THAP7: variants seen among roughly 807,000 people sequenced by gnomAD.
THAP7 encodes the protein THAP domain containing 7, also known as THAP domain-containing protein 7.
In THAP7, 22 loss-of-function variants were observed where a neutral mutation model predicts 29.2. That is an observed-to-expected ratio of 0.75 (90% CI 0.54 to 1.08). THAP7 has a LOEUF of 1.08. Ranked by LOEUF, THAP7 falls within the 50% of genes least tolerant of loss-of-function variation. The probability of loss-of-function intolerance (pLI) is 0.00; values close to 1 mark genes in which losing one functional copy is unlikely to be tolerated. For synonymous variants in THAP7, 208 were observed against 173.4 expected (o/e 1.20, Z -1.57); for missense variants, 448 against 416.2 (o/e 1.08, Z -0.66).
At position 21,001,890 on chromosome 22, in the gene THAP7, C is replaced by G; in HGVS notation, c.22G>C (p.Ala8Pro). MPRHCSA[A>P]GCCTRDTRET... ...CGCGTGTCCCGTGTGCAGCAGCCGGCGGCGGAGCAGTGACGCGGCATCTGG... is the reference window on the plus strand; with the variant it reads ...CGCGTGTCCCGTGTGCAGCAGCCGGGGGCGGAGCAGTGACGCGGCATCTGG... The change falls in exon 1 of 4, where the codon GCC (alanine) becomes CCC (proline). Residue 8 changes from alanine to proline, a missense_variant. By Grantham distance (27) the Ala-to-Pro change is conservative (BLOSUM62 -1). Coordinates refer to ENST00000215742, the MANE Select transcript of THAP7 (RefSeq NM_030573.3). The G allele has an allele frequency of 6.4e-7, 1 of 1,572,668 alleles. No individual in the cohort carries two copies.
Position 20,999,826 on chromosome 22 carries a change from G to A in THAP7, c.*54C>T, listed in dbSNP as rs944506511. On this transcript the variant is annotated 3_prime_UTR_variant, in exon 4 of 4. Transcript: ENST00000215742. ...CCTGGTGGGTCTGGTGGGATCTGAG[G>A]GAGGAAGAGGCTGCAGTCTTGCTGG... The A allele has an allele frequency of 9.7e-6, 15 of 1,544,310 alleles. No individual in the cohort carries two copies. The African/African-American group carries it at 1.2e-4, about 13-fold the overall frequency.
Position 21,001,383 on chromosome 22 carries a change from C to G in THAP7, c.109G>C (p.Gly37Arg). 1.2e-6 allele frequency: 2 copies of G among 1,613,924 alleles called. No homozygotes were observed. Among genetic ancestry groups the G allele is most frequent in the Non-Finnish European group, 1.7e-6 (2 of 1,180,000 alleles). The change falls in exon 2 of 4, where the codon GGC (glycine) becomes CGC (arginine). Residue 37 changes from glycine to arginine, a missense_variant. Transcript: ENST00000215742. ...CGCTGGCAGTTGGCCAGCCACAAGCCTCGCCTCGGGTTGTCCTTCTTGGGA... is the reference window on the plus strand; with the variant it reads ...CGCTGGCAGTTGGCCAGCCACAAGCGTCGCCTCGGGTTGTCCTTCTTGGGA... ...RLPKKDNPRRGLWLANCQRLD... is the reference protein window; with the variant it reads ...RLPKKDNPRRRLWLANCQRLD...
intron 2 of THAP7, chr22:21,000,996 G>T (rs912295443): frequency 2.2e-5 from 19 of 881,174 alleles, no homozygotes; most frequent in Admixed American, 8.7e-5. Flanking sequence ...GAGCTGGGCT[G>T]ACCAGCCAGA....
In THAP7 at chr22:20,999,758, C is replaced by A; in HGVS notation, c.*122G>T. On this transcript the variant is annotated 3_prime_UTR_variant, in exon 4 of 4. Transcript: ENST00000215742. ...AGAGGGGCTCCAGCCCCCAGCTGAG[C>A]CAGACAGCAGGCCCTCCGTCTAGAA... 1 of 1,224,260 alleles carries A rather than the reference C, an allele frequency of 8.2e-7. No individual in the cohort carries two copies. The highest frequency in any genetic ancestry group is 1.1e-6 in the Non-Finnish European group (1 of 901,396). The allele number at this position is 1,224,260 out of a possible 1,614,324, so 75.8% of individuals were successfully genotyped here. A position where few individuals can be genotyped will look rare whatever the true frequency, so the allele number is the denominator to read the frequency against.
chr22:21,001,781 G>A (rs1446171062), intron 1 of THAP7, 51 bp downstream of exon 1: 6 of 1,521,376 alleles, frequency 3.9e-6, no homozygotes, highest in East Asian at 2.5e-5. Flanking sequence ...GACCCGAGGC[G>A]AGCAACAACT....
Position 20,999,670 on chromosome 22 carries a change from A to C in THAP7, c.*210T>G. The C allele has an allele frequency of 1.7e-6, 1 of 604,954 alleles. No homozygotes were observed. The highest frequency in any genetic ancestry group is 2.9e-6 in the Non-Finnish European group (1 of 350,172). The allele number at this position is 604,954 out of a possible 1,614,324, so 37.5% of individuals were successfully genotyped here. On this transcript the variant is annotated 3_prime_UTR_variant, in exon 4 of 4. Transcript: ENST00000215742. ...GCCAGGCTCCCTGTTCTCCTTGGCA[A>C]AGAGCTTGGACTGAGCCCTCTAGGA...
rs1310410613 is a variant in THAP7, at chr22:21,000,717, T to A, written c.307A>T (p.Thr103Ser). The A allele has an allele frequency of 6.2e-7, 1 of 1,614,026 alleles. No individual in the cohort carries two copies. The highest frequency in any genetic ancestry group is 8.5e-7 in the Non-Finnish European group (1 of 1,180,026). Residue 103 changes from threonine (T) to serine (S), a missense_variant, in exon 3 of 4, where the codon ACC (threonine) becomes TCC (serine). Thr to Ser is a moderately conservative substitution (Grantham distance 58). Coordinates refer to ENST00000215742, the MANE Select transcript of THAP7 (RefSeq NM_030573.3). ...FESFSKLRRTTKTKGHSYPPG... is the reference protein window; with the variant it reads ...FESFSKLRRTSKTKGHSYPPG... ...GGGTAACTGTGTCCTTTGGTCTTGG[T>A]TGTCCGGCGCAACTTGGAGAAAGAC... is the stretch of plus-strand genomic sequence containing the variant.
intron 2 of THAP7, 188 bp downstream of exon 2, chr22:21,001,068 A>G: frequency 1.1e-6 from 1 of 922,658 alleles, no homozygotes; most frequent in Non-Finnish European, 1.6e-6. Context: ...ACTCTCTGGA[A>G]AGGCTCCTGT....
rs781665327 is a variant in THAP7 at position 21,000,160 on chromosome 22, C to T, written c.650G>A (p.Arg217His). ...GTAGGCTCCGGCGGGTGGGGGCAGG[C>T]GCAGCATATACGCTGAGGGGGAGAC... ...RPVSPSAYML[R>H]LPPPAGAYIQ... is the part of the protein sequence containing the mutation. Residue 217 changes from arginine (R) to histidine (H), a missense_variant, in exon 4 of 4, where the codon CGC becomes CAC. By Grantham distance (29) the Arg-to-His change is conservative (BLOSUM62 0). Coordinates refer to ENST00000215742, the MANE Select transcript of THAP7 (RefSeq NM_030573.3). The T allele has an allele frequency of 5.0e-6, 8 of 1,584,776 alleles. No individual in the cohort carries two copies. Among genetic ancestry groups the T allele is most frequent in the Middle Eastern group, 1.7e-4 (1 of 6,010 alleles).
chr22:21,001,915 G>A lies in THAP7; in HGVS notation c.-4C>T, dbSNP rs747573383. On this transcript the variant is annotated 5_prime_UTR_variant, in exon 1 of 4. Transcript: ENST00000215742. ...CGGCGGAGCAGTGACGCGGCATCTG[G>A]GAAAGAGGCGGGAGTTAAGTCGCAA... is the stretch of plus-strand genomic sequence containing the variant. The A allele has an allele frequency of 3.8e-6, 6 of 1,563,818 alleles. No homozygotes were observed. The Admixed American group carries it at 1.1e-4, about 29-fold the overall frequency.
chr22:21,001,825 C>G lies in THAP7; in HGVS notation c.80+7G>C. On this transcript the variant is annotated splice_region_variant and intron_variant, in intron 1 of 3. Transcript: ENST00000215742. ...CGCACGTGAGCCCGCGGCGCACGCG[C>G]GCTGACCTGTGGAAGGAGATGCCGC... 6.4e-7 allele frequency: 1 copy of G among 1,551,042 alleles called. No homozygotes were observed. The highest frequency in any genetic ancestry group is 8.7e-7 in the Non-Finnish European group (1 of 1,149,574).
At chr22:21,000,841 C>A in intron 2 of THAP7, 54 bp from the exon 3 acceptor site, 1 of 1,607,810 alleles carries the variant, frequency 6.2e-7, no homozygotes, top group Non-Finnish European at 8.5e-7. Context: ...CCTCCCCAGG[C>A]CAATCTGCCC....
chr22:21,002,017 C>T lies in THAP7; in HGVS notation c.-106G>A, dbSNP rs535715559. ...CCCAAGGGGCTCTGGCCTGTCGGGT[C>T]CCCCCCGGCCCGTTGTCGCCCCAAC... On this transcript the variant is annotated 5_prime_UTR_variant, in exon 1 of 4. Transcript: ENST00000215742. 1.5e-4 allele frequency: 161 copies of T among 1,105,796 alleles called. No individual in the cohort carries two copies. Among genetic ancestry groups the T allele is most frequent in the Non-Finnish European group, 1.8e-4 (147 of 806,830 alleles). 68.5% of individuals were successfully genotyped at this position (1,105,796 alleles called of 1,614,324 possible). A position where few individuals can be genotyped will look rare whatever the true frequency, so the allele number is the denominator to read the frequency against.
Position 21,000,098 on chromosome 22 carries a change from A to G in THAP7, c.712T>C (p.Leu238=). 1 of 1,612,492 alleles carries G rather than the reference A, an allele frequency of 6.2e-7. No homozygotes were observed. Among genetic ancestry groups the G allele is most frequent in the Non-Finnish European group, 8.5e-7 (1 of 1,179,796 alleles). Residue 238 remains leucine (L), a synonymous_variant, in exon 4 of 4, where the codon TTA becomes CTA. Coordinates refer to ENST00000215742, the MANE Select transcript of THAP7 (RefSeq NM_030573.3). The part of the protein sequence containing the change: ...NEHSYQVGSA[L]LWKRRAEAAL... ...GCCTCGGCTCGCCGCTTCCAGAGTAAGGCGCTGCCCACCTGGTAGCTGTGT... is the reference window on the plus strand; with the variant it reads ...GCCTCGGCTCGCCGCTTCCAGAGTAGGGCGCTGCCCACCTGGTAGCTGTGT...
Position 21,000,638 on chromosome 22 carries a change from A to G in THAP7, c.377+9T>C. The G allele has an allele frequency of 6.2e-7, 1 of 1,613,966 alleles. No homozygotes were observed. Among genetic ancestry groups the G allele is most frequent in the Non-Finnish European group, 8.5e-7 (1 of 1,179,984 alleles). On this transcript the variant is annotated intron_variant, in intron 3 of 3. Transcript: ENST00000215742. ...TGGGAGTGGGGCATCCCCCACCCATATCACATACCGCTTCCTGCATCGTCT... is the reference window on the plus strand; with the variant it reads ...TGGGAGTGGGGCATCCCCCACCCATGTCACATACCGCTTCCTGCATCGTCT...
rs1221439639 is a variant in THAP7, at chr22:21,000,245, C to T, written c.565G>A (p.Ala189Thr). 1 of 1,557,030 alleles carries T rather than the reference C, an allele frequency of 6.4e-7. No homozygotes were observed. Among genetic ancestry groups the T allele is most frequent in the Non-Finnish European group, 8.7e-7 (1 of 1,149,968 alleles). ...GGTGAAGGCTGGGCGCTGCAGCCTG[C>T]TTCATCTGCCTGGGCACCCAAGGGG... Reference protein sequence around the residue: ...LGPLGAQADEAGCSAQPSPER... With the variant: ...LGPLGAQADETGCSAQPSPER... Residue 189 changes from alanine (A) to threonine (T), a missense_variant, in exon 4 of 4, where the codon GCA (alanine) becomes ACA (threonine). Coordinates refer to ENST00000215742, the MANE Select transcript of THAP7 (RefSeq NM_030573.3).
chr22:21,000,852 C>T (rs1043171335), intron 2 of THAP7, 65 bp from the exon 3 acceptor site: 4 of 1,602,746 alleles, frequency 2.5e-6, no homozygotes, highest in Non-Finnish European at 3.4e-6. Context: ...CAATCTGCCC[C>T]CAGCAGCAGC....
chr22:21,001,301 C>G lies in THAP7; in HGVS notation c.191G>C (p.Cys64Ser), dbSNP rs1456093705. 6.2e-7 allele frequency: 1 copy of G among 1,614,042 alleles called. No individual in the cohort carries two copies. Among genetic ancestry groups the G allele is most frequent in the Non-Finnish European group, 8.5e-7 (1 of 1,180,016 alleles). Reference sequence around the variant, plus strand: ...GCAGTCCTCCTCAAAGTGTTTGGAGCAGAAGTAGATGTACTCGGATGCCGG... The same window carrying G: ...GCAGTCCTCCTCAAAGTGTTTGGAGGAGAAGTAGATGTACTCGGATGCCGG... ...WDPASEYIYF[C>S]SKHFEEDCFE... The change falls in exon 2 of 4, where the codon TGC (cysteine) becomes TCC (serine). Residue 64 changes from cysteine (C) to serine (S), a missense_variant. Physicochemically the swap from Cys to Ser is moderately radical, Grantham distance 112 (BLOSUM62 -1). Transcript: ENST00000215742.
chr22:21,000,457 G>A, intron 3 of THAP7, 25 bp from the exon 4 acceptor site: 1 of 1,543,460 alleles, frequency 6.5e-7, no homozygotes, highest in Non-Finnish European at 8.7e-7. Context: ...GAGAGAGACT[G>A]ATGGGCTAGG....
Sources: gnomAD v4.1 joint callset for allele counts on GRCh38, gnomAD v4.1.1 for gene constraint, MANE v1.5 for transcripts, NCBI Gene and HGNC (gene_info 2026-07-23, HGNC 2026-07-21) for gene names.